Variants in CDK5RAP2 observed in about 807,000 individuals in gnomAD.
The protein encoded by CDK5RAP2 is CDK5 regulatory subunit associated protein 2.
Under a neutral mutation model 232.9 loss-of-function variants are expected in CDK5RAP2, and 147 were observed. The observed-to-expected ratio is 0.63, with a 90% CI of 0.55 to 0.72. CDK5RAP2 has a LOEUF of 0.72. CDK5RAP2 is among the 30% of genes least tolerant of loss of function. The pLI is 0.00. For synonymous variants in CDK5RAP2, 833 were observed against 833.7 expected, an observed-to-expected ratio of 1.00 and a Z score of 0.01; for missense variants, 2,195 against 2,231.5, an observed-to-expected ratio of 0.98 and a Z score of 0.33.
chr9:120,408,526 T>C (rs2033637911), intron 30 of CDK5RAP2, 58 bp from the exon 31 acceptor site: 3 of 1,605,010 alleles, frequency 1.9e-6, no homozygotes, highest in African/African-American at 1.3e-5. Context: ...GGGTAACTTA[T>C]TCAAACCCCA....
At chr9:120,464,046 C>T (rs2037235739) in intron 18 of CDK5RAP2, among the ~76,000 whole-genome samples, 2 of 152,178 alleles carry the variant, frequency 1.3e-5, no homozygotes, top group Non-Finnish European at 2.9e-5. Context: ...TGGCTTCTGT[C>T]CCCCTCACTC....
At chr9:120,513,460 T>G (rs1490261118) in intron 12 of CDK5RAP2, among the ~76,000 whole-genome samples, 3 of 152,166 alleles carry the variant, frequency 2.0e-5, no homozygotes, top group Admixed American at 2.0e-4. Context: ...GACACATCCC[T>G]AGAGGAACCA....
Position 120,536,486 on chromosome 9 carries a change from G to C in CDK5RAP2, c.548C>G (p.Ala183Gly), listed in dbSNP as rs745878221. 3 of 1,614,070 alleles carry C rather than the reference G, an allele frequency of 1.9e-6. No individual in the cohort carries two copies. The highest frequency in any genetic ancestry group is 2.5e-6 in the Non-Finnish European group (3 of 1,179,972). Residue 183 changes from alanine to glycine, a missense_variant, in exon 7 of 38, where the codon GCA becomes GGA. Ala to Gly is a moderately conservative substitution (Grantham distance 60, BLOSUM62 0). Coordinates refer to ENST00000349780, the MANE Select transcript of CDK5RAP2 (RefSeq NM_018249.6). ...AAQAELEKAF[A>G]GTETEKALRL... The stretch of plus-strand genomic sequence containing the variant: ...AAGAGCCTTCTCCGTCTCTGTCCCT[G>C]CAAAGGCCTTTTCCAGTTCTGCCTG...
intron 12 of CDK5RAP2, among the ~76,000 whole-genome samples, chr9:120,498,687 T>A (rs1318309938): frequency 6.6e-6 from 1 of 151,782 alleles, no homozygotes; most frequent in Non-Finnish European, 1.5e-5. Context: ...TTCCTGTATG[T>A]TTAAAATTAT....
At chr9:120,413,214 C>T (rs1191630703) in intron 28 of CDK5RAP2, among the ~76,000 whole-genome samples, 1 of 152,188 alleles carries the variant, frequency 6.6e-6, no homozygotes, top group East Asian at 1.9e-4. Flanking sequence ...AAGAACAGTT[C>T]CTGACCGACC....
At chr9:120,559,538 C>T (rs2042383195) in intron 3 of CDK5RAP2, among the ~76,000 whole-genome samples, 1 of 131,328 alleles carries the variant, frequency 7.6e-6, no homozygotes, top group Admixed American at 7.8e-5. Context: ...CATTGTTTTT[C>T]TCATGTGTAC....
In CDK5RAP2 at chr9:120,518,491, TC is replaced by T; in HGVS notation, c.1246del (p.Glu416ArgfsTer35). The T allele has an allele frequency of 1.2e-6, 2 of 1,613,712 alleles. No homozygotes were observed. Among genetic ancestry groups the T allele is most frequent in the Non-Finnish European group, 1.7e-6 (2 of 1,179,946 alleles). ...TTCCTCCAGGTCCTTCTCCAGTCTC[TC>T]CCTCTCCTGCTGCAAGTCACTCAGC... ...QELSDLQQERERLEKDLEEAH... is the reference protein window; with the variant it reads ...QELSDLQQERXRLEKDLEEAH... On this transcript the variant is annotated frameshift_variant, in exon 12 of 38. Coordinates refer to ENST00000349780, the MANE Select transcript of CDK5RAP2 (RefSeq NM_018249.6). LOFTEE classifies it high-confidence loss of function.
chr9:120,572,241 G>A (rs2042882069), intron 1 of CDK5RAP2, among the ~76,000 whole-genome samples, 200 bp from the exon 2 acceptor site: 1 of 152,160 alleles, frequency 6.6e-6, no homozygotes, highest in African/African-American at 2.4e-5. Context: ...ATAGCTGAGT[G>A]ACCTTCAGTA....
At chr9:120,570,576 A>C (rs1346931924) in intron 2 of CDK5RAP2, among the ~76,000 whole-genome samples, 1 of 152,230 alleles carries the variant, frequency 6.6e-6, no homozygotes, top group Non-Finnish European at 1.5e-5. Flanking sequence ...ACAGTGGCTC[A>C]TGCCTGTAAA....
intron 7 of CDK5RAP2, chr9:120,532,508 G>T (rs1324448073): frequency 6.6e-6 from 1 of 152,192 alleles, no homozygotes; most frequent in East Asian, 1.9e-4. Flanking sequence ...TCGCAGATCT[G>T]GATCCGTCTC....
chr9:120,545,616 A>C, intron 5 of CDK5RAP2, 98 bp downstream of exon 5: 1 of 913,544 alleles, frequency 1.1e-6, no homozygotes, highest in Non-Finnish European at 1.8e-6. Flanking sequence ...CTCAGAGTCC[A>C]GATGGAAACC....
chr9:120,536,992 A>C (rs999642273), intron 6 of CDK5RAP2, among the ~76,000 whole-genome samples: 28 of 152,098 alleles, frequency 1.8e-4, no homozygotes, highest in Admixed American at 7.2e-4. Flanking sequence ...AAAAAAAAAA[A>C]AACAACTGTA....
chr9:120,562,042 A>G (rs2042481344), intron 3 of CDK5RAP2, among the ~76,000 whole-genome samples: 1 of 152,224 alleles, frequency 6.6e-6, no homozygotes, highest in Admixed American at 6.5e-5. Context: ...TATCCTCAAC[A>G]CACGCTTGTC....
At chr9:120,469,931 T>C (rs971050197) in intron 17 of CDK5RAP2, among the ~76,000 whole-genome samples, 180 bp downstream of exon 17, 3 of 151,888 alleles carry the variant, frequency 2.0e-5, no homozygotes, top group East Asian at 3.9e-4. Flanking sequence ...GGGGAGTTTA[T>C]CAGACACGAG....
At chr9:120,547,402 G>A (rs1423996935) in intron 4 of CDK5RAP2, among the ~76,000 whole-genome samples, 3 of 151,694 alleles carry the variant, frequency 2.0e-5, no homozygotes, top group Admixed American at 6.6e-5. Context: ...TCAGGAGTTC[G>A]AGACCAGCCT....
intron 32 of CDK5RAP2, among the ~76,000 whole-genome samples, chr9:120,405,844 C>A (rs1158386686): frequency 2.0e-5 from 3 of 152,012 alleles, no homozygotes; most frequent in African/African-American, 7.2e-5. Context: ...ATTAGGAAGC[C>A]CATGTGAAAG....
chr9:120,560,943 T>G (rs929968264), intron 3 of CDK5RAP2, among the ~76,000 whole-genome samples: 1 of 151,864 alleles, frequency 6.6e-6, no homozygotes, highest in Non-Finnish European at 1.5e-5. Context: ...AATAATGGTA[T>G]GTGTATACAC....
At position 120,580,045 on chromosome 9, in the gene CDK5RAP2, G is replaced by A; in HGVS notation, c.-67C>T. The A allele has an allele frequency of 5.8e-6, 6 of 1,037,868 alleles. No individual in the cohort carries two copies. Among genetic ancestry groups the A allele is most frequent in the South Asian group, 1.3e-5 (1 of 75,186 alleles). 64.3% of individuals were successfully genotyped at this position (1,037,868 alleles called of 1,614,324 possible). ...CGCCACTAGTACCCCCCGCGATAGC[G>A]ACCCGCCGGGCTCCCCAGGTCCCCG... On this transcript the variant is annotated 5_prime_UTR_variant, in exon 1 of 38. Transcript: ENST00000349780.
At chr9:120,498,641 G>A (rs2039430156) in intron 12 of CDK5RAP2, among the ~76,000 whole-genome samples, 1 of 151,832 alleles carries the variant, frequency 6.6e-6, no homozygotes, top group Admixed American at 6.6e-5. Flanking sequence ...TAACACTAGG[G>A]GATATATGGG....
Sources: allele counts gnomAD v4.1 joint callset (sites outside exome capture counted in the v4.1 genomes callset), GRCh38; gene constraint gnomAD v4.1.1; transcripts MANE v1.5; gene names NCBI Gene and HGNC (gene_info 2026-07-23, HGNC 2026-07-21).